Variants in CAV2 observed in about 807,000 individuals in gnomAD.
CAV2 encodes caveolin-2.
In CAV2, 7 loss-of-function variants were observed where a neutral mutation model predicts 15.5. The ratio of observed to expected loss-of-function variants is 0.45; its 90% CI spans 0.26 to 0.85. The LOEUF (loss-of-function observed/expected upper bound fraction) is 0.85. Among genes scored for constraint, CAV2 ranks in the 40% least tolerant of loss-of-function variants. The probability of loss-of-function intolerance (pLI) is 0.18; values close to 1 mark genes in which losing one functional copy is unlikely to be tolerated. For synonymous variants in CAV2, 76 were observed against 83.1 expected (o/e 0.91, Z 0.46); for missense variants, 229 against 208.8 (o/e 1.10, Z -0.60).
At chr7:116,504,387 A>T (rs1793184843) in intron 2 of CAV2, among the ~76,000 whole-genome samples, 1 of 152,238 alleles carries the variant, frequency 6.6e-6, no homozygotes, top group African/African-American at 2.4e-5. Context: ...TGAGGTTTCT[A>T]TTCAGCTATT....
At chr7:116,501,397 C>G (rs1437164171) in intron 2 of CAV2, 1 of 152,228 alleles carries the variant, frequency 6.6e-6, no homozygotes, top group Non-Finnish European at 1.5e-5. Flanking sequence ...CAAGGTACCT[C>G]CGTGTCTTTC....
chr7:116,499,897 A>G lies in CAV2; in HGVS notation c.116A>G (p.Asp39Gly). 6.2e-7 allele frequency: 1 copy of G among 1,611,692 alleles called. No homozygotes were observed. Among genetic ancestry groups the G allele is most frequent in the Non-Finnish European group, 8.5e-7 (1 of 1,179,406 alleles). Residue 39 changes from aspartate (D) to glycine (G), a missense_variant, in exon 1 of 3, where the codon GAC (aspartate) becomes GGC (glycine). Coordinates refer to ENST00000222693, the MANE Select transcript of CAV2 (RefSeq NM_001233.5). Reference sequence around the variant, plus strand: ...GAGAAGTTCGCGGACTCGGACCAGGACCGGGATCCCCACCGGCTCAACTCG... The same window carrying G: ...GAGAAGTTCGCGGACTCGGACCAGGGCCGGGATCCCCACCGGCTCAACTCG... ...DPEKFADSDQ[D>G]RDPHRLNSHL...
intron 2 of CAV2, among the ~76,000 whole-genome samples, chr7:116,504,030 GAGAAAGAAAA>G (rs1238003320): frequency 1.0e-5 from 1 of 95,794 alleles, no homozygotes; most frequent in African/African-American, 3.9e-5. Flanking sequence ...AAGAAAGAAA[GAGAAAGAAAA>G]AGAAAGAAAG....
At position 116,508,434 on chromosome 7, in the gene CAV2, G is replaced by C. The variant is rs1195732976; in HGVS notation, c.*2313G>C. 2 of 152,022 alleles carry C rather than the reference G, an allele frequency of 1.3e-5. No homozygotes were observed. Among genetic ancestry groups the C allele is most frequent in the Non-Finnish European group, 2.9e-5 (2 of 68,008 alleles). The allele number at this position is 152,022 out of a possible 1,614,324, so 9.4% of individuals were successfully genotyped here. On this transcript the variant is annotated 3_prime_UTR_variant, in exon 3 of 3. Transcript: ENST00000222693. ...TTCAAAGACTCAAATTTTGTACCAA[G>C]TAAATCCAGGCTTTATGTACAAACA...
At position 116,506,830 on chromosome 7, in the gene CAV2, A is replaced by C. The variant is rs113371265; in HGVS notation, c.*709A>C. On this transcript the variant is annotated 3_prime_UTR_variant, in exon 3 of 3. Transcript: ENST00000222693. ...TGTTGTTGAACTAATATATGAAATA[A>C]GTAAATGTAGCTCCCACAAGGTAAA... The C allele has an allele frequency of 1.4e-3, 208 of 152,356 alleles. No homozygotes were observed. Among genetic ancestry groups the C allele is most frequent in the African/African-American group, 5.0e-3 (206 of 41,590 alleles). 9.4% of individuals were successfully genotyped at this position (152,356 alleles called of 1,614,324 possible).
Position 116,499,913 on chromosome 7 carries a change from G to A in CAV2, c.132G>A (p.Arg44=). The A allele has an allele frequency of 6.2e-7, 1 of 1,611,672 alleles. No individual in the cohort carries two copies. The highest frequency in any genetic ancestry group is 1.7e-4 in the Middle Eastern group (1 of 6,054). Residue 44 remains arginine, a synonymous_variant, in exon 1 of 3, where the codon CGG becomes CGA. Transcript: ENST00000222693. ...CGGACCAGGACCGGGATCCCCACCGGCTCAACTCGCATCTCAAGGTGAAGC... is the reference window on the plus strand; with the variant it reads ...CGGACCAGGACCGGGATCCCCACCGACTCAACTCGCATCTCAAGGTGAAGC... ...ADSDQDRDPH[R]LNSHLKLGFE... is the part of the protein sequence containing the mutation.
At chr7:116,500,716 A>T in intron 2 of CAV2, 1 of 401,032 alleles carries the variant, frequency 2.5e-6, no homozygotes, top group East Asian at 4.4e-5. Context: ...CTGAGTGTGG[A>T]GGCGGGTACC....
chr7:116,503,238 A>G (rs1793143738), intron 2 of CAV2, among the ~76,000 whole-genome samples: 1 of 151,416 alleles, frequency 6.6e-6, no homozygotes, highest in Non-Finnish European at 1.5e-5. Context: ...ATTTTGGGTC[A>G]ATCAGAACTG....
Position 116,500,359 on chromosome 7 carries a change from A to C in CAV2, c.250A>C (p.Met84Leu), listed in dbSNP as rs1242622936. Residue 84 changes from methionine to leucine, a missense_variant, in exon 2 of 3, where the codon ATG becomes CTG. Physicochemically the swap from Met to Leu is conservative, Grantham distance 15. Transcript: ENST00000222693. ...CCTCTTTGAAATCAGCAAATACGTA[A>C]TGTACAAGTTCCTGACGGTGTTCCT... ...HALFEISKYV[M>L]YKFLTVFLAI... is the part of the protein sequence containing the mutation. 3.1e-6 allele frequency: 5 copies of C among 1,614,020 alleles called. No homozygotes were observed. The highest frequency in any genetic ancestry group is 4.2e-6 in the Non-Finnish European group (5 of 1,180,012).
At position 116,505,951 on chromosome 7, in the gene CAV2, T is replaced by G; in HGVS notation, c.339-20T>G. 6.3e-7 allele frequency: 1 copy of G among 1,586,180 alleles called. No individual in the cohort carries two copies. The highest frequency in any genetic ancestry group is 8.7e-7 in the Non-Finnish European group (1 of 1,155,834). On this transcript the variant is annotated intron_variant, in intron 2 of 2. Transcript: ENST00000222693. ...TGGTAACAGCAACAATCCTCACACATCTCTCTTCCTTCCTTCCAGGATTTT... is the reference window on the plus strand; with the variant it reads ...TGGTAACAGCAACAATCCTCACACAGCTCTCTTCCTTCCTTCCAGGATTTT...
intron 2 of CAV2, 72 bp from the exon 3 acceptor site, chr7:116,505,899 T>C: frequency 1.0e-6 from 1 of 988,516 alleles, no homozygotes; most frequent in Non-Finnish European, 1.5e-6. Flanking sequence ...TTTTATCTTT[T>C]CATACATGTA....
Position 116,506,383 on chromosome 7 carries a change from G to A in CAV2, c.*262G>A, listed in dbSNP as rs1793240514. On this transcript the variant is annotated 3_prime_UTR_variant, in exon 3 of 3. Coordinates refer to ENST00000222693, the MANE Select transcript of CAV2 (RefSeq NM_001233.5). ...CTTAGATTTAAAGGCAGACAGTTTT[G>A]CTTTAGTACAATAGTATACATTTTA... 4 of 393,446 alleles carry A rather than the reference G, an allele frequency of 1.0e-5. No individual in the cohort carries two copies. The highest frequency in any genetic ancestry group is 1.8e-5 in the Non-Finnish European group (4 of 220,332). The allele number at this position is 393,446 out of a possible 1,614,324, so 24.4% of individuals were successfully genotyped here.
chr7:116,508,156 T>A lies in CAV2; in HGVS notation c.*2035T>A, dbSNP rs1368372019. The A allele has an allele frequency of 4.6e-5, 7 of 152,242 alleles. No individual in the cohort carries two copies. 9.4% of individuals were successfully genotyped at this position (152,242 alleles called of 1,614,324 possible). On this transcript the variant is annotated 3_prime_UTR_variant, in exon 3 of 3. Transcript: ENST00000222693. The stretch of plus-strand genomic sequence containing the variant: ...GCCTCATGACTTTATAGTTATGTCT[T>A]GTATTTAAAAACATTTTTTATACAT...
chr7:116,500,332 G>A lies in CAV2; in HGVS notation c.223G>A (p.Ala75Thr). ...TGACAAAGTGTGGATCTGCAGCCAT[G>A]CCCTCTTTGAAATCAGCAAATACGT... Reference protein sequence around the residue: ...SFDKVWICSHALFEISKYVMY... With the variant: ...SFDKVWICSHTLFEISKYVMY... The change falls in exon 2 of 3, where the codon GCC becomes ACC. Residue 75 changes from alanine to threonine, a missense_variant. Ala to Thr is a moderately conservative substitution (Grantham distance 58). Coordinates refer to ENST00000222693, the MANE Select transcript of CAV2 (RefSeq NM_001233.5). The A allele has an allele frequency of 1.2e-6, 2 of 1,614,186 alleles. No homozygotes were observed. The highest frequency in any genetic ancestry group is 1.7e-6 in the Non-Finnish European group (2 of 1,180,022).
intron 2 of CAV2, among the ~76,000 whole-genome samples, chr7:116,505,493 G>T (rs950663543): frequency 1.3e-5 from 2 of 151,990 alleles, no homozygotes; most frequent in African/African-American, 4.8e-5. Context: ...ACAGTTCTGC[G>T]GGCTGTACAG....
intron 1 of CAV2, 154 bp downstream of exon 1, chr7:116,500,085 C>G (rs937773029): frequency 5.2e-5 from 76 of 1,467,462 alleles, no homozygotes; most frequent in Non-Finnish European, 6.7e-5. Flanking sequence ...GTCACCAGGC[C>G]GCCCGCGTAG....
Position 116,507,706 on chromosome 7 carries a change from G to T in CAV2, c.*1585G>T, listed in dbSNP as rs1385247831. ...AAGAAAAAAAGAAAAAAAGAAAAAA[G>T]AAAAATCTCATTATTTCAAAATGAT... On this transcript the variant is annotated 3_prime_UTR_variant, in exon 3 of 3. Transcript: ENST00000222693. 6.8e-6 allele frequency: 1 copy of T among 147,830 alleles called. No individual in the cohort carries two copies. The highest frequency in any genetic ancestry group is 1.5e-5 in the Non-Finnish European group (1 of 66,824). 9.2% of individuals were successfully genotyped at this position (147,830 alleles called of 1,614,324 possible).
intron 2 of CAV2, among the ~76,000 whole-genome samples, chr7:116,502,235 T>G (rs1479052760): frequency 6.6e-6 from 1 of 152,220 alleles, no homozygotes; most frequent in African/African-American, 2.4e-5. Context: ...AACCAAGCAA[T>G]GCCTCTCTCC....
chr7:116,500,639 G>A (rs1455583372), intron 2 of CAV2, 192 bp downstream of exon 2: 5 of 579,796 alleles, frequency 8.6e-6, no homozygotes, highest in Non-Finnish European at 1.5e-5. Context: ...TGGGCTTGGA[G>A]TTTCAACAGG....
Sources: allele counts gnomAD v4.1 joint callset (sites outside exome capture counted in the v4.1 genomes callset), GRCh38; gene constraint gnomAD v4.1.1; transcripts MANE v1.5; gene names NCBI Gene and HGNC (gene_info 2026-07-23, HGNC 2026-07-21).